Variants in PTPRR observed in about 807,000 individuals in gnomAD.
The protein encoded by PTPRR is protein tyrosine phosphatase receptor type R, also known as receptor-type tyrosine-protein phosphatase R.
PTPRR carries 38 observed loss-of-function variants against 77.2 expected under a neutral mutation model. That is an observed-to-expected ratio of 0.49 (90% CI 0.38 to 0.65). The LOEUF (loss-of-function observed/expected upper bound fraction) is 0.65. PTPRR is among the 30% of genes least tolerant of loss of function. The probability of loss-of-function intolerance (pLI) is 0.00; values close to 1 mark genes in which losing one functional copy is unlikely to be tolerated. For missense variants in PTPRR, 744 were observed against 799.2 expected, an observed-to-expected ratio of 0.93 and a Z score of 0.83; for synonymous variants, 299 against 283.1, an observed-to-expected ratio of 1.06 and a Z score of -0.57.
intron 8 of PTPRR, among the ~76,000 whole-genome samples, chr12:70,697,589 G>A (rs1275437012): frequency 1.3e-5 from 2 of 151,718 alleles, no homozygotes; most frequent in African/African-American, 2.4e-5. Context: ...TTTTTTTGCT[G>A]CTGTTTGTGC....
intron 12 of PTPRR, among the ~76,000 whole-genome samples, chr12:70,659,144 C>T (rs950485214): frequency 6.6e-6 from 1 of 151,976 alleles, no homozygotes; most frequent in Non-Finnish European, 1.5e-5. Flanking sequence ...CTCAAGTGAT[C>T]TGCCTGCCTC....
At chr12:70,707,442 T>C (rs1888659456) in intron 6 of PTPRR, among the ~76,000 whole-genome samples, 2 of 152,126 alleles carry the variant, frequency 1.3e-5, no homozygotes, top group African/African-American at 4.8e-5. Context: ...ATCATGAATG[T>C]CTTTTCATGT....
chr12:70,869,295 G>T (rs1211662375), intron 2 of PTPRR, among the ~76,000 whole-genome samples: 1 of 152,108 alleles, frequency 6.6e-6, no homozygotes. Flanking sequence ...TCCAGTTTGT[G>T]GTCTATAAAT....
At chr12:70,700,596 A>G (rs1213504931) in intron 7 of PTPRR, among the ~76,000 whole-genome samples, 1 of 151,980 alleles carries the variant, frequency 6.6e-6, no homozygotes, top group East Asian at 1.9e-4. Context: ...GATTCTTTCC[A>G]TTTTCCCTTC....
intron 1 of PTPRR, among the ~76,000 whole-genome samples, chr12:70,916,902 C>G (rs1251551839): frequency 6.6e-6 from 1 of 152,144 alleles, no homozygotes; most frequent in African/African-American, 2.4e-5. Context: ...TTTGAAAGAA[C>G]CTTTTCCAGA....
chr12:70,738,651 C>G (rs1173625930), intron 6 of PTPRR, among the ~76,000 whole-genome samples: 2 of 152,160 alleles, frequency 1.3e-5, no homozygotes, highest in African/African-American at 4.8e-5. Context: ...AATGTACTTT[C>G]TAGAGTTTGA....
intron 6 of PTPRR, among the ~76,000 whole-genome samples, chr12:70,703,876 T>G (rs1888519418): frequency 1.3e-5 from 2 of 152,120 alleles, no homozygotes; most frequent in South Asian, 4.1e-4. Flanking sequence ...TCAGAGCAGA[T>G]TCATGAGGTA....
At chr12:70,807,230 C>T (rs1891726282) in intron 2 of PTPRR, among the ~76,000 whole-genome samples, 2 of 152,184 alleles carry the variant, frequency 1.3e-5, no homozygotes, top group South Asian at 2.1e-4. Flanking sequence ...CATTGTTGAA[C>T]TACTGCATCT....
intron 6 of PTPRR, among the ~76,000 whole-genome samples, chr12:70,725,379 A>G (rs1889396300): frequency 6.6e-6 from 1 of 152,190 alleles, no homozygotes; most frequent in Non-Finnish European, 1.5e-5. Context: ...TTACCCTGAC[A>G]TTATCCTGAA....
chr12:70,766,288 A>T (rs1331487251), intron 2 of PTPRR, among the ~76,000 whole-genome samples: 10 of 152,210 alleles, frequency 6.6e-5, no homozygotes, highest in African/African-American at 2.4e-4. Context: ...CAAATGTATA[A>T]CTAGAATAAC....
At chr12:70,859,975 T>C (rs1414603433) in intron 2 of PTPRR, among the ~76,000 whole-genome samples, 3 of 152,094 alleles carry the variant, frequency 2.0e-5, no homozygotes, top group Non-Finnish European at 4.4e-5. Context: ...TTCCTTATCC[T>C]AAAAGCTTTT....
At chr12:70,672,791 T>C (rs1887284923) in intron 10 of PTPRR, 9 of 1,562,470 alleles carry the variant, frequency 5.8e-6, no homozygotes, top group Admixed American at 1.7e-5. Flanking sequence ...CCTTCTGTCT[T>C]TCTCAAGAAG....
intron 6 of PTPRR, among the ~76,000 whole-genome samples, chr12:70,706,896 C>T (rs1888638517): frequency 6.6e-6 from 1 of 151,988 alleles, no homozygotes; most frequent in Non-Finnish European, 1.5e-5. Flanking sequence ...GATAAATAAG[C>T]AAGAATATGT....
intron 10 of PTPRR, among the ~76,000 whole-genome samples, chr12:70,675,152 GTA>G (rs1246598296): frequency 6.6e-6 from 1 of 151,952 alleles, no homozygotes; most frequent in African/African-American, 2.4e-5. Context: ...CTTTTGATTA[GTA>G]TTAGTTTGGT....
intron 2 of PTPRR, among the ~76,000 whole-genome samples, chr12:70,851,526 C>T (rs959582915): frequency 1.3e-5 from 2 of 152,036 alleles, no homozygotes; most frequent in Admixed American, 1.3e-4. Flanking sequence ...TCTTTCACTG[C>T]CTATCTCTCC....
intron 4 of PTPRR, among the ~76,000 whole-genome samples, chr12:70,757,535 GA>G (rs1252280764): frequency 6.6e-6 from 1 of 152,056 alleles, no homozygotes; most frequent in African/African-American, 2.4e-5. Context: ...TTTCCTTTAA[GA>G]AACAGATTAC....
rs761827453 is a variant in PTPRR, at chr12:70,745,868, G to T, written c.957C>A (p.Thr319=). ...TTTTGAAAGGAGAAGGGCAAACAGA[G>T]GTAGCGGTGGTAGCTTTGATCTCAG... ...GAPEIKATTA[T]SVCPSPFKMK... is the part of the protein sequence containing the mutation. The change falls in exon 6 of 14, where the codon ACC becomes ACA. Residue 319 remains threonine, a synonymous_variant. Coordinates refer to ENST00000283228, the MANE Select transcript of PTPRR (RefSeq NM_002849.4). 1.9e-5 allele frequency: 31 copies of T among 1,614,096 alleles called. 1 individual carries two copies. The South Asian group carries it at 3.1e-4, about 16-fold the overall frequency.
At chr12:70,764,559 C>T in intron 3 of PTPRR, 106 bp downstream of exon 3, 2 of 858,026 alleles carry the variant, frequency 2.3e-6, no homozygotes, top group Non-Finnish European at 3.8e-6. Context: ...ACATGACGTG[C>T]CGGATTTGGC....
At chr12:70,885,834 T>TATGG (rs1282025760) in intron 2 of PTPRR, among the ~76,000 whole-genome samples, 1 of 152,000 alleles carries the variant, frequency 6.6e-6, no homozygotes, top group African/African-American at 2.4e-5. Context: ...CCTGGCTGGT[T>TATGG]ATGGATGGTT....
Sources: allele counts gnomAD v4.1 joint callset (sites outside exome capture counted in the v4.1 genomes callset), GRCh38; gene constraint gnomAD v4.1.1; transcripts MANE v1.5; gene names NCBI Gene and HGNC (gene_info 2026-07-23, HGNC 2026-07-21).